Variants in SLC25A26 observed in about 807,000 individuals in gnomAD.
The protein encoded by SLC25A26 is solute carrier family 25 member 26.
SLC25A26 carries 36 observed loss-of-function variants against 37.8 expected under a neutral mutation model. That is an observed-to-expected ratio of 0.95 (90% confidence interval 0.73 to 1.26). SLC25A26 has a LOEUF of 1.26. SLC25A26 is among the 50% of genes most tolerant of loss of function. The probability of loss-of-function intolerance (pLI) is 0.00; values close to 1 mark genes in which losing one functional copy is unlikely to be tolerated. For synonymous variants in SLC25A26, 129 were observed against 122.5 expected, an observed-to-expected ratio of 1.05 and a Z score of -0.35; for missense variants, 390 against 331.1, an observed-to-expected ratio of 1.18 and a Z score of -1.38.
At chr3:66,159,658 G>A (rs560826900) in intron 1 of SLC25A26, among the ~76,000 whole-genome samples, 86 of 152,300 alleles carry the variant, frequency 5.6e-4, no homozygotes, top group Admixed American at 2.4e-3. Context: ...TATTTTATTA[G>A]CCAGATTAGT....
chr3:66,221,599 A>G (rs978784627), intron 1 of SLC25A26, among the ~76,000 whole-genome samples: 9 of 151,956 alleles, frequency 5.9e-5, no homozygotes, highest in African/African-American at 1.9e-4. Context: ...CATTCAATAC[A>G]TAATCTGCTA....
At chr3:66,355,504 T>A (rs1408836177) in intron 6 of SLC25A26, among the ~76,000 whole-genome samples, 1 of 152,178 alleles carries the variant, frequency 6.6e-6, no homozygotes. Flanking sequence ...TATGAAAAAT[T>A]CATTTTAGCC....
At chr3:66,245,321 T>C (rs1412589182) in intron 3 of SLC25A26, among the ~76,000 whole-genome samples, 1 of 151,986 alleles carries the variant, frequency 6.6e-6, no homozygotes, top group Non-Finnish European at 1.5e-5. Context: ...TAAAAGTTTC[T>C]TCATTCCCCT....
intron 1 of SLC25A26, among the ~76,000 whole-genome samples, chr3:66,174,551 T>C (rs1315357442): frequency 2.0e-5 from 3 of 151,880 alleles, no homozygotes; most frequent in East Asian, 1.9e-4. Context: ...GAGGCCGAGG[T>C]GGGCGGATCA....
intron 5 of SLC25A26, among the ~76,000 whole-genome samples, chr3:66,328,712 A>G (rs1048581285): frequency 1.3e-5 from 2 of 152,152 alleles, no homozygotes; most frequent in African/African-American, 4.8e-5. Context: ...AACATTTCCT[A>G]GTTAGCAGTA....
rs934698291 is a variant in SLC25A26 at position 66,204,695 on chromosome 3, G to C, written c.-353-16047G>C. Among the ~76,000 whole-genome samples the C allele has an allele frequency of 4.6e-5, 7 of 152,270 alleles. No homozygotes were observed. In the South Asian group the frequency reaches 1.4e-3, roughly 32 times the overall value. On this transcript the variant is annotated intron_variant, in intron 1 of 10. Coordinates refer to the SLC25A26 transcript ENST00000676754. The stretch of plus-strand genomic sequence containing the variant: ...TGTATAAGTTCGGCAAAGATTAGTT[G>C]AGAAATGACTTTGTTGCACCAATTC...
chr3:66,208,856 T>A (rs2071220617), intron 1 of SLC25A26, among the ~76,000 whole-genome samples: 1 of 61,760 alleles, frequency 1.6e-5, no homozygotes, highest in Admixed American at 2.4e-4. Flanking sequence ...ATATATACCT[T>A]TATATGGGTG....
At chr3:66,216,635 G>A (rs2106848346), upstream of SLC25A26, among the ~76,000 whole-genome samples, 1 of 150,094 alleles carries the variant, frequency 6.7e-6, no homozygotes, top group South Asian at 2.1e-4. Flanking sequence ...TTTTTTTTGT[G>A]CTAGGCTTAA....
intron 5 of SLC25A26, among the ~76,000 whole-genome samples, chr3:66,313,413 A>G (rs982439585): frequency 6.6e-6 from 1 of 152,148 alleles, no homozygotes; most frequent in African/African-American, 2.4e-5. Context: ...CAGGTTTCTC[A>G]AAGATCAGAT....
chr3:66,278,293 A>G (rs922301481), intron 5 of SLC25A26, among the ~76,000 whole-genome samples: 1 of 152,162 alleles, frequency 6.6e-6, no homozygotes, highest in Non-Finnish European at 1.5e-5. Context: ...TAAATTTAAA[A>G]TTTAATTTCT....
chr3:66,304,645 C>T (rs987630387), intron 5 of SLC25A26: 2 of 305,716 alleles, frequency 6.5e-6, no homozygotes, highest in Non-Finnish European at 1.3e-5. Context: ...ATTGAGGATT[C>T]GTTGTTCACT....
chr3:66,328,640 A>G (rs1045017326), intron 5 of SLC25A26, among the ~76,000 whole-genome samples: 4 of 152,210 alleles, frequency 2.6e-5, no homozygotes, highest in Non-Finnish European at 4.4e-5. Context: ...CATTCAAGAA[A>G]TAACTTAGGC....
At chr3:66,182,707 A>C (rs996737873) in intron 1 of SLC25A26, among the ~76,000 whole-genome samples, 1 of 7,562 alleles carries the variant, frequency 1.3e-4, no homozygotes, top group Non-Finnish European at 2.5e-4. Flanking sequence ...CTCAACCTGC[A>C]GTGGGCGGCG....
chr3:66,340,573 A>T (rs1168882493), intron 5 of SLC25A26, among the ~76,000 whole-genome samples: 2 of 151,948 alleles, frequency 1.3e-5, no homozygotes, highest in Non-Finnish European at 2.9e-5. Context: ...TCCAGCTCTC[A>T]TTAATTTTTG....
At chr3:66,353,544 G>A (rs948403001) in intron 6 of SLC25A26, among the ~76,000 whole-genome samples, 3 of 152,128 alleles carry the variant, frequency 2.0e-5, no homozygotes, top group African/African-American at 4.8e-5. Flanking sequence ...GTTTCATAAC[G>A]TTTTTGTATT....
chr3:66,277,774 A>T (rs942533115), intron 5 of SLC25A26, among the ~76,000 whole-genome samples: 3 of 152,110 alleles, frequency 2.0e-5, no homozygotes, highest in African/African-American at 7.2e-5. Flanking sequence ...CAGTAATAAG[A>T]TTATATTAAC....
chr3:66,236,064 A>G (rs1305356607), intron 1 of SLC25A26, among the ~76,000 whole-genome samples: 1 of 152,076 alleles, frequency 6.6e-6, no homozygotes, highest in Non-Finnish European at 1.5e-5. Context: ...GGCATGTGCC[A>G]CCATGCCCAG....
At chr3:66,238,318 G>A (rs1302233668) in intron 2 of SLC25A26, among the ~76,000 whole-genome samples, 2 of 152,156 alleles carry the variant, frequency 1.3e-5, no homozygotes, top group African/African-American at 4.8e-5. Context: ...AGCATAAACA[G>A]TTGATTAACA....
intron 2 of SLC25A26, among the ~76,000 whole-genome samples, chr3:66,241,287 A>G (rs939895844): frequency 7.2e-5 from 11 of 152,170 alleles, no homozygotes; most frequent in Non-Finnish European, 1.6e-4. Context: ...TATAAAAAAA[A>G]TCCCAGGATG....
Sources: allele counts gnomAD v4.1 joint callset (sites outside exome capture counted in the v4.1 genomes callset), GRCh38; gene constraint gnomAD v4.1.1; transcripts MANE v1.5; gene names NCBI Gene and HGNC (gene_info 2026-07-23, HGNC 2026-07-21).